Variants in CAST observed in about 807,000 individuals in gnomAD.
The protein encoded by CAST is calpastatin, also known as MIR583 host.
Under a neutral mutation model 119.6 loss-of-function variants are expected in CAST, and 76 were observed. The observed-to-expected ratio is 0.64, with a 90% CI of 0.53 to 0.77. CAST has a LOEUF of 0.77. CAST is among the 30% of genes least tolerant of loss of function. CAST has a pLI of 0.00. For missense variants in CAST, 953 were observed against 946.5 expected (o/e 1.01, Z -0.09); for synonymous variants, 319 against 331.6 (o/e 0.96, Z 0.41).
At chr5:96,241,472 A>T in the CAST span, among the ~76,000 whole-genome samples, 1 of 151,126 alleles carries the variant, frequency 6.6e-6, no homozygotes, top group African/African-American at 2.4e-5. Context: ...ATTGTTGGAC[A>T]TTTGGGTTGG....
chr5:96,674,787 T>C (rs1254220276), intron 1 of CAST, among the ~76,000 whole-genome samples: 1 of 152,182 alleles, frequency 6.6e-6, no homozygotes, highest in Non-Finnish European at 1.5e-5. Context: ...TATTATATAC[T>C]TCAAAATAAC....
At chr5:96,091,978 C>T in the CAST span, among the ~76,000 whole-genome samples, 1 of 152,166 alleles carries the variant, frequency 6.6e-6, no homozygotes, top group Non-Finnish European at 1.5e-5. Flanking sequence ...GAAGGTCTTT[C>T]CCTTTATCAT....
the CAST span, among the ~76,000 whole-genome samples, chr5:96,015,832 G>A: frequency 2.0e-5 from 3 of 152,110 alleles, no homozygotes; most frequent in African/African-American, 4.8e-5. Flanking sequence ...TGGAGGCCAC[G>A]CACAGCTAGG....
the CAST span, among the ~76,000 whole-genome samples, chr5:96,205,108 A>C: frequency 2.0e-5 from 3 of 151,668 alleles, no homozygotes; most frequent in East Asian, 5.8e-4. Context: ...TTGTTTTTTC[A>C]CTCTTGAGTT....
chr5:96,414,706 G>C, the CAST span, among the ~76,000 whole-genome samples: 6 of 152,170 alleles, frequency 3.9e-5, no homozygotes, highest in African/African-American at 1.4e-4. Flanking sequence ...TCTACAAAAT[G>C]AAGGGATCAG....
the CAST span, among the ~76,000 whole-genome samples, chr5:96,156,396 C>A: frequency 3.9e-5 from 6 of 152,136 alleles, no homozygotes; most frequent in African/African-American, 1.4e-4. Context: ...TCAAAGGAGA[C>A]CAGTAGAAAG....
the CAST span, among the ~76,000 whole-genome samples, chr5:96,390,159 A>G: frequency 6.6e-6 from 1 of 152,218 alleles, no homozygotes; most frequent in Admixed American, 6.5e-5. Context: ...CATGTTGTCA[A>G]GAAAGTGAAG....
At chr5:96,710,335 A>G (rs27852) in intron 3 of CAST, among the ~76,000 whole-genome samples, 1 of 151,878 alleles carries the variant, frequency 6.6e-6, no homozygotes, top group East Asian at 1.9e-4. Context: ...GGTCCTTTCA[A>G]TGAGCCACTA....
At chr5:96,258,454 T>G in the CAST span, among the ~76,000 whole-genome samples, 1 of 152,246 alleles carries the variant, frequency 6.6e-6, no homozygotes, top group South Asian at 2.1e-4. Flanking sequence ...AAATGCTTTT[T>G]CACATTTTAA....
intron 1 of CAST, among the ~76,000 whole-genome samples, chr5:96,624,465 T>G (rs921756265): frequency 2.6e-5 from 4 of 152,282 alleles, no homozygotes; most frequent in African/African-American, 9.6e-5. Context: ...AGCAGAATTA[T>G]AACAATGGTT....
At chr5:96,663,412 C>T (rs75549795) in intron 1 of CAST, among the ~76,000 whole-genome samples, 2 of 152,298 alleles carry the variant, frequency 1.3e-5, no homozygotes, top group East Asian at 3.9e-4. Flanking sequence ...TCTCTCGCCC[C>T]GATGTCAAGC....
the CAST span, among the ~76,000 whole-genome samples, chr5:95,980,810 C>T: frequency 6.6e-6 from 1 of 152,148 alleles, no homozygotes; most frequent in Non-Finnish European, 1.5e-5. Flanking sequence ...GTGCCCACTA[C>T]CCATGCAATC....
chr5:96,507,976 A>G, the CAST span, among the ~76,000 whole-genome samples: 1 of 147,692 alleles, frequency 6.8e-6, no homozygotes. Context: ...CCACTAAACT[A>G]GTTATATCCC....
chr5:96,412,638 A>G, the CAST span: 78 of 749,950 alleles, frequency 1.0e-4, no homozygotes, highest in African/African-American at 1.3e-3. Context: ...AATTTCTGTA[A>G]CCCAGCTACT....
At chr5:96,595,928 A>G (rs1747046163) in intron 1 of CAST, among the ~76,000 whole-genome samples, 1 of 152,170 alleles carries the variant, frequency 6.6e-6, no homozygotes, top group African/African-American at 2.4e-5. Context: ...GGCGTGGCAT[A>G]AGACCTGGAT....
the CAST span, among the ~76,000 whole-genome samples, chr5:96,359,569 CT>C: frequency 4.6e-5 from 7 of 152,082 alleles, no homozygotes; most frequent in East Asian, 1.2e-3. Context: ...CTGTAAAGGA[CT>C]TTATTTTTCC....
chr5:96,736,244 T>C lies in CAST; in HGVS notation c.699+4T>C. ...ACCGGATAAACCATCGGGAAAGGTA[T>C]GAAGACAACAGTGTCCTTCTACATG... On this transcript the variant is annotated splice_donor_region_variant and intron_variant, in intron 10 of 31. Coordinates refer to ENST00000675179, the MANE Select transcript of CAST (RefSeq NM_001750.7). 6.3e-7 allele frequency: 1 copy of C among 1,592,328 alleles called. No individual in the cohort carries two copies. Among genetic ancestry groups the C allele is most frequent in the Non-Finnish European group, 8.6e-7 (1 of 1,160,976 alleles).
chr5:96,651,248 G>C (rs1748091016), intron 1 of CAST, among the ~76,000 whole-genome samples: 1 of 152,170 alleles, frequency 6.6e-6, no homozygotes. Flanking sequence ...AACTTGTAGT[G>C]GGACAAGAAC....
the CAST span, among the ~76,000 whole-genome samples, chr5:96,446,037 C>T: frequency 5.9e-5 from 9 of 152,134 alleles, no homozygotes; most frequent in South Asian, 4.2e-4. Context: ...TTTGTAGAGA[C>T]GGAGTCTCCC....
Sources: allele counts gnomAD v4.1 joint callset (sites outside exome capture counted in the v4.1 genomes callset), GRCh38; gene constraint gnomAD v4.1.1; transcripts MANE v1.5; gene names NCBI Gene and HGNC (gene_info 2026-07-23, HGNC 2026-07-21).